Variants in DEFB107B observed in about 807,000 individuals in gnomAD.
DEFB107B encodes the protein beta-defensin 107.
At chr8:7,508,166 C>T (rs1811990642) in intron 1 of DEFB107B, among the ~76,000 whole-genome samples, 2 of 139,406 alleles carry the variant, frequency 1.4e-5, no homozygotes, top group Admixed American at 7.1e-5. Context: ...CTGTAGTTCA[C>T]AGTATCCCAA....
intron 1 of DEFB107B, among the ~76,000 whole-genome samples, chr8:7,508,427 CAATTAA>C (rs985741070): frequency 7.3e-5 from 10 of 137,636 alleles, no homozygotes; most frequent in African/African-American, 3.1e-4. Flanking sequence ...TGTATCTTAC[CAATTAA>C]AAAAGATTCC....
intron 1 of DEFB107B, among the ~76,000 whole-genome samples, chr8:7,508,508 T>A (rs2128884190): frequency 7.1e-6 from 1 of 141,296 alleles, no homozygotes; most frequent in South Asian, 2.2e-4. Context: ...ATTGCCTATG[T>A]CTCTCTAAAT....
At chr8:7,497,263 T>C (rs375226385) in intron 1 of DEFB107B, among the ~76,000 whole-genome samples, 210 of 151,586 alleles carry the variant, frequency 1.4e-3, no homozygotes, top group African/African-American at 4.7e-3. Flanking sequence ...TTCTATGTTG[T>C]TCGAAAATAG....
At chr8:7,508,168 G>A (rs1462752194) in intron 1 of DEFB107B, among the ~76,000 whole-genome samples, 1 of 139,506 alleles carries the variant, frequency 7.2e-6, no homozygotes, top group Non-Finnish European at 1.5e-5. Context: ...GTAGTTCACA[G>A]TATCCCAAGT....
At position 7,509,214 on chromosome 8, in the gene DEFB107B, G is replaced by GAAACATTAA; in HGVS notation, c.209_*4dup. 2.5e-6 allele frequency: 1 copy of GAAACATTAA among 399,184 alleles called. No homozygotes were observed. The highest frequency in any genetic ancestry group is 4.2e-6 in the Non-Finnish European group (1 of 239,414). The allele number at this position is 399,184 out of a possible 1,614,324, so 24.7% of individuals were successfully genotyped here. A position where few individuals can be genotyped will look rare whatever the true frequency, so the allele number is the denominator to read the frequency against. ...CACCATTTTGCTGCAAAAACAGAAA[G>GAAACATTAA]AAACATTAAAAACTAAGCACCAGCT... On this transcript the variant is annotated stop_gained and inframe_insertion, in exon 2 of 2. Transcript: ENST00000355602. LOFTEE classifies it high-confidence loss of function.
intron 1 of DEFB107B, among the ~76,000 whole-genome samples, chr8:7,496,322 C>A (rs1190199107): frequency 1.6e-4 from 4 of 24,304 alleles, no homozygotes; most frequent in East Asian, 3.3e-3. Flanking sequence ...TTTTTTGAGA[C>A]GGAGTCTCGC....
At chr8:7,497,534 A>G (rs1811800282) in intron 1 of DEFB107B, among the ~76,000 whole-genome samples, 1 of 152,098 alleles carries the variant, frequency 6.6e-6, no homozygotes, top group Non-Finnish European at 1.5e-5. Flanking sequence ...GCCAGGGAAC[A>G]ATGTCCCCAT....
chr8:7,508,083 A>ATGTGTGTGTGTG (rs796448836), intron 1 of DEFB107B, among the ~76,000 whole-genome samples: 1 of 42,776 alleles, frequency 2.3e-5, no homozygotes. Flanking sequence ...ATATATATAT[A>ATGTGTGTGTGTG]TGTGTGTGTG....
At position 7,496,375 on chromosome 8, in the gene DEFB107B, C is replaced by G. The variant is rs1488193652; in HGVS notation, c.70+372C>G. ...AGTGCAGTGGTGCGATCTTGGCTCA[C>G]TGCAAGCTCTGCCTCCCAGGTTCAT... On this transcript the variant is annotated intron_variant, in intron 1 of 1. Transcript: ENST00000355602. Among the ~76,000 whole-genome samples the G allele has an allele frequency of 6.8e-5, 7 of 103,214 alleles. No homozygotes were observed. In the South Asian group the frequency reaches 2.4e-3, roughly 36 times the overall value. The allele number at this position is 103,214 out of a possible 152,430, so 67.7% of individuals were successfully genotyped here.
At chr8:7,496,514 A>C (rs1811746749) in intron 1 of DEFB107B, among the ~76,000 whole-genome samples, 1 of 151,948 alleles carries the variant, frequency 6.6e-6, no homozygotes, top group Non-Finnish European at 1.5e-5. Context: ...GTTAGCCAGG[A>C]TGGTCTTGAT....
At chr8:7,508,129 T>C (rs1353599194) in intron 1 of DEFB107B, among the ~76,000 whole-genome samples, 1 of 133,870 alleles carries the variant, frequency 7.5e-6, no homozygotes, top group Non-Finnish European at 1.6e-5. Context: ...CAACTGATTG[T>C]CCAGTTGCCT....
chr8:7,496,455 A>G (rs1251871985), intron 1 of DEFB107B, among the ~76,000 whole-genome samples: 98 of 150,244 alleles, frequency 6.5e-4, no homozygotes, highest in Admixed American at 1.7e-3. Flanking sequence ...ACCCGCCACC[A>G]CGCCTGGCTA....
intron 1 of DEFB107B, among the ~76,000 whole-genome samples, chr8:7,496,916 C>T (rs1376115682): frequency 3.6e-5 from 4 of 109,910 alleles, no homozygotes; most frequent in Non-Finnish European, 7.3e-5. Context: ...TTGAGATTCT[C>T]TTTGCTTCAT....
chr8:7,497,100 C>T (rs1811782098), intron 1 of DEFB107B, among the ~76,000 whole-genome samples: 1 of 146,490 alleles, frequency 6.8e-6, no homozygotes, highest in Non-Finnish European at 1.5e-5. Flanking sequence ...ATTCTGTCCT[C>T]AGTAGTCCTA....
chr8:7,496,352 T>A (rs1388461447), intron 1 of DEFB107B, among the ~76,000 whole-genome samples: 1 of 65,088 alleles, frequency 1.5e-5, no homozygotes, highest in Non-Finnish European at 2.6e-5. Context: ...CAGGCTGGAG[T>A]GCAGTGGTGC....
At chr8:7,508,453 A>G (rs2737983) in intron 1 of DEFB107B, among the ~76,000 whole-genome samples, 79,463 of 131,700 alleles carry the variant, frequency 0.6, 18,943 homozygotes, top group Non-Finnish European at 0.64. Flanking sequence ...CTGTTTTGAC[A>G]TATTTTTTCC....
At chr8:7,505,719 C>T (rs1329937470) in intron 1 of DEFB107B, among the ~76,000 whole-genome samples, 201 of 21,716 alleles carry the variant, frequency 9.3e-3, no homozygotes, top group African/African-American at 0.016. Context: ...ACTCTGATGG[C>T]CCCACTAATT....
Position 7,497,211 on chromosome 8 carries a change from T to C in DEFB107B, c.70+1208T>C, listed in dbSNP as rs552637663. 2.2e-4 allele frequency among the ~76,000 whole-genome samples: 34 copies of C among 151,630 alleles called. No individual in the cohort carries two copies. The South Asian group carries it at 6.9e-3, about 31-fold the overall frequency. On this transcript the variant is annotated intron_variant, in intron 1 of 1. Transcript: ENST00000355602. ...AACGAAGAGGTAAAAATATAAAGCA[T>C]GGACATTGACCTTAATTTGCTTGAA... is the stretch of plus-strand genomic sequence containing the variant.
intron 1 of DEFB107B, among the ~76,000 whole-genome samples, chr8:7,497,462 C>T (rs1174513833): frequency 7.3e-5 from 11 of 151,522 alleles, no homozygotes; most frequent in African/African-American, 2.7e-4. Context: ...AGAAAGGCTT[C>T]CTGGGAAGTA....
Sources: gnomAD v4.1 joint callset for allele counts (sites outside exome capture counted in the v4.1 genomes callset) on GRCh38, gnomAD v4.1.1 for gene constraint, MANE v1.5 for transcripts, NCBI Gene and HGNC (gene_info 2026-07-23, HGNC 2026-07-21) for gene names.